ATG13: variants seen among roughly 807,000 people sequenced by gnomAD.
ATG13 encodes autophagy-related protein 13.
In ATG13, 23 loss-of-function variants were observed where a neutral mutation model predicts 65.5. The observed-to-expected ratio is 0.35, with a 90% CI of 0.25 to 0.50. ATG13 has a LOEUF of 0.50. Ranked by LOEUF, ATG13 falls within the 20% of genes least tolerant of loss-of-function variation. The pLI is 0.98. For missense variants in ATG13, 566 were observed against 677.0 expected (o/e 0.84, Z 1.82); for synonymous variants, 252 against 245.2 (o/e 1.03, Z -0.26).
At chr11:46,631,819 G>T (rs1017644660) in intron 2 of ATG13, among the ~76,000 whole-genome samples, 2 of 152,142 alleles carry the variant, frequency 1.3e-5, no homozygotes, top group South Asian at 2.1e-4. Flanking sequence ...GTCCAGGCTT[G>T]CAGTGAGCTA....
At chr11:46,624,776 T>C (rs2048927261) in intron 1 of ATG13, among the ~76,000 whole-genome samples, 1 of 152,194 alleles carries the variant, frequency 6.6e-6, no homozygotes, top group Non-Finnish European at 1.5e-5. Context: ...CATGCTGTAA[T>C]AATCATAGCA....
intron 2 of ATG13, among the ~76,000 whole-genome samples, chr11:46,633,804 C>T (rs1196024477): frequency 6.6e-6 from 1 of 152,110 alleles, no homozygotes; most frequent in Non-Finnish European, 1.5e-5. Flanking sequence ...GTGTGAGACC[C>T]TGTTTCCAAA....
chr11:46,619,696 G>T lies in ATG13; in HGVS notation c.-70+1806G>T, dbSNP rs1389670715. Among the ~76,000 whole-genome samples the T allele has an allele frequency of 4.0e-5, 6 of 151,644 alleles. No homozygotes were observed. The South Asian group carries it at 1.3e-3, about 32-fold the overall frequency. ...AGCCACCACTCCTGGCCGATTTCTT[G>T]CTTTTAACTGAAGAGTAAATGTGGG... On this transcript the variant is annotated intron_variant, in intron 1 of 18. Transcript: ENST00000683050.
intron 7 of ATG13, among the ~76,000 whole-genome samples, 169 bp downstream of exon 7, chr11:46,650,486 C>T (rs1458460963): frequency 6.6e-6 from 1 of 152,244 alleles, no homozygotes; most frequent in Non-Finnish European, 1.5e-5. Context: ...ATGAACCTCA[C>T]CCTTCCAAAG....
At position 46,623,049 on chromosome 11, in the gene ATG13, C is replaced by T. The variant is rs567987125; in HGVS notation, c.-70+5159C>T. 1.1e-4 allele frequency among the ~76,000 whole-genome samples: 16 copies of T among 152,162 alleles called. No homozygotes were observed. In the East Asian group the frequency reaches 3.1e-3, roughly 29 times the overall value. ...GTGGCTCATGCCTGTAATCCCAGCA[C>T]TTTGGGAGGCCAAGGCGGGCGGATC... On this transcript the variant is annotated intron_variant, in intron 1 of 18. Coordinates refer to ENST00000683050, the MANE Select transcript of ATG13 (RefSeq NM_001346311.2).
chr11:46,622,117 A>ATT (rs2047863067), intron 1 of ATG13, among the ~76,000 whole-genome samples: 2 of 82,108 alleles, frequency 2.4e-5, no homozygotes, highest in Non-Finnish European at 4.6e-5. Flanking sequence ...ATATATATAT[A>ATT]TATATATATA....
Position 46,672,524 on chromosome 11 carries a change from G to T in ATG13, c.*192G>T. ...CTCCGTGGCGGCAGTCAAGCCCAGT[G>T]CCCAGTTGGAGAAGACTCACGTGCT... is the stretch of plus-strand genomic sequence containing the variant. On this transcript the variant is annotated 3_prime_UTR_variant, in exon 19 of 19. Transcript: ENST00000683050. 1 of 1,464,150 alleles carries T rather than the reference G, an allele frequency of 6.8e-7. No individual in the cohort carries two copies. The highest frequency in any genetic ancestry group is 9.0e-7 in the Non-Finnish European group (1 of 1,108,794). 90.7% of individuals were successfully genotyped at this position (1,464,150 alleles called of 1,614,324 possible).
intron 5 of ATG13, among the ~76,000 whole-genome samples, chr11:46,647,271 GTTTTTTTT>G (rs2057817636): frequency 7.5e-6 from 1 of 132,882 alleles, no homozygotes; most frequent in Non-Finnish European, 1.6e-5. Context: ...TTGGGTTTTT[GTTTTTTTT>G]GTTTTTTTTT....
rs374517009 is a variant in ATG13 at position 46,636,557 on chromosome 11, CAAAAAA to C, written c.-14+6476_-14+6481del. On this transcript the variant is annotated intron_variant, in intron 2 of 18. Coordinates refer to ENST00000683050, the MANE Select transcript of ATG13 (RefSeq NM_001346311.2). ...TGGAGGACAGGGCGAGACTCCGTCTCAAAAAAAAAAAAAAAAAAAAAAAAGCCAGGC... is the reference window on the plus strand; with the variant it reads ...TGGAGGACAGGGCGAGACTCCGTCTCAAAAAAAAAAAAAAAAAAGCCAGGC... Among the ~76,000 whole-genome samples, 99 of 47,288 alleles carry C rather than the reference CAAAAAA, an allele frequency of 2.1e-3. 2 individuals carry two copies. Among genetic ancestry groups the C allele is most frequent in the Non-Finnish European group, 3.3e-3 (81 of 24,198 alleles). 31.0% of individuals were successfully genotyped at this position (47,288 alleles called of 152,430 possible). A position where few individuals can be genotyped will look rare whatever the true frequency, so the allele number is the denominator to read the frequency against.
chr11:46,630,844 G>C (rs999872421), intron 2 of ATG13: 1 of 152,162 alleles, frequency 6.6e-6, no homozygotes, highest in Non-Finnish European at 1.5e-5. Context: ...TGGGACCACA[G>C]GTGCATGCCA....
chr11:46,671,266 G>A (rs1179948290), intron 18 of ATG13, among the ~76,000 whole-genome samples: 2 of 152,210 alleles, frequency 1.3e-5, no homozygotes, highest in Non-Finnish European at 2.9e-5. Flanking sequence ...GCAGGAAATT[G>A]TGATGGTGAA....
At chr11:46,630,851 GCCA>G (rs2051451147) in intron 2 of ATG13, 1 of 152,136 alleles carries the variant, frequency 6.6e-6, no homozygotes, top group Admixed American at 6.6e-5. Context: ...ACAGGTGCAT[GCCA>G]CCACAACTGG....
intron 18 of ATG13, among the ~76,000 whole-genome samples, chr11:46,671,295 C>T (rs1047785702): frequency 6.6e-6 from 1 of 152,218 alleles, no homozygotes; most frequent in South Asian, 2.1e-4. Flanking sequence ...GATGCAGCTT[C>T]TGTTCATTTA....
chr11:46,629,677 A>G (rs962537945), intron 1 of ATG13, among the ~76,000 whole-genome samples: 4 of 151,954 alleles, frequency 2.6e-5, no homozygotes, highest in East Asian at 1.9e-4. Context: ...GATTACAGGC[A>G]TGAGCCACCA....
chr11:46,650,252 A>G lies in ATG13; in HGVS notation c.393A>G (p.Ile131Met). Residue 131 changes from isoleucine to methionine, a missense_variant, in exon 7 of 19, where the codon ATA (isoleucine) becomes ATG (methionine). This residue lies in a region of ATG13 where 179 missense variants were observed against 267.2 expected (regional missense o/e 0.67). Transcript: ENST00000683050. ...LSLLLKSLLAITRVTPAYRLS... is the reference protein window; with the variant it reads ...LSLLLKSLLAMTRVTPAYRLS... ...TGCTGCTGAAGTCCCTTCTTGCTAT[A>G]ACTAGGGTGACACCAGCCTATAGGC... 1 of 1,614,074 alleles carries G rather than the reference A, an allele frequency of 6.2e-7. No homozygotes were observed. The highest frequency in any genetic ancestry group is 8.5e-7 in the Non-Finnish European group (1 of 1,179,996).
chr11:46,627,877 G>C (rs1041557909), intron 1 of ATG13, among the ~76,000 whole-genome samples: 2 of 151,998 alleles, frequency 1.3e-5, no homozygotes, highest in Non-Finnish European at 2.9e-5. Context: ...GAGCCCAGGA[G>C]TTCACAACCA....
intron 12 of ATG13, among the ~76,000 whole-genome samples, chr11:46,664,509 A>G (rs2061859792): frequency 1.3e-5 from 2 of 152,184 alleles, no homozygotes; most frequent in South Asian, 2.1e-4. Flanking sequence ...GACTTCGGCT[A>G]CCAGTTCTGC....
At chr11:46,635,051 A>G (rs2053480571) in intron 2 of ATG13, among the ~76,000 whole-genome samples, 1 of 147,678 alleles carries the variant, frequency 6.8e-6, no homozygotes, top group South Asian at 2.1e-4. Context: ...TCTGTCTCCT[A>G]GTCTGGAGTG....
At chr11:46,623,718 G>A (rs552216520) in intron 1 of ATG13, among the ~76,000 whole-genome samples, 18 of 152,082 alleles carry the variant, frequency 1.2e-4, no homozygotes, top group South Asian at 2.1e-4. Flanking sequence ...CTGAGCCACC[G>A]TGCCTGGCTG....
Sources: allele counts gnomAD v4.1 joint callset (sites outside exome capture counted in the v4.1 genomes callset), GRCh38; gene constraint gnomAD v4.1.1; regional missense constraint gnomAD v4.1.1; transcripts MANE v1.5; gene names NCBI Gene and HGNC (gene_info 2026-07-23, HGNC 2026-07-21).